Variants in NME7 observed in about 807,000 individuals in gnomAD.
The protein encoded by NME7 is nucleoside diphosphate kinase 7.
In NME7, 41 loss-of-function variants were observed where a neutral mutation model predicts 49.1. The observed-to-expected ratio is 0.83, with a 90% CI of 0.65 to 1.08. The LOEUF (loss-of-function observed/expected upper bound fraction) is 1.08, where lower values mean the gene tolerates loss of function less well. Ranked by LOEUF, NME7 falls within the 50% of genes least tolerant of loss-of-function variation. The pLI is 0.00. For synonymous variants in NME7, 139 were observed against 150.6 expected, an observed-to-expected ratio of 0.92 and a Z score of 0.56; for missense variants, 423 against 463.4, an observed-to-expected ratio of 0.91 and a Z score of 0.80.
chr1:169,251,061 T>A (rs889248439), intron 7 of NME7, among the ~76,000 whole-genome samples: 1 of 152,130 alleles, frequency 6.6e-6, no homozygotes, highest in Non-Finnish European at 1.5e-5. Context: ...TGTCTAGTGT[T>A]GTCGGTGGAC....
Position 169,346,565 on chromosome 1 carries a change from A to G in NME7, c.3+21143T>C, listed in dbSNP as rs566808564. Among the ~76,000 whole-genome samples the G allele has an allele frequency of 4.6e-5, 7 of 152,286 alleles. No homozygotes were observed. In the South Asian group the frequency reaches 1.5e-3, roughly 32 times the overall value. On this transcript the variant is annotated intron_variant, in intron 1 of 11. Transcript: ENST00000367811. ...CCTTTAAATTACATTCAACACCACT[A>G]TCAGTACCCCCAACATTCATTACCC...
At chr1:169,232,570 G>A (rs1647677478) in intron 9 of NME7, among the ~76,000 whole-genome samples, 1 of 151,542 alleles carries the variant, frequency 6.6e-6, no homozygotes, top group South Asian at 2.1e-4. Context: ...GGGGGGGCAG[G>A]GGAAAGAACA....
Position 169,303,816 on chromosome 1 carries a change from G to A in NME7, c.390-621C>T, listed in dbSNP as rs148837786. Among the ~76,000 whole-genome samples, 69 of 152,230 alleles carry A rather than the reference G, an allele frequency of 4.5e-4. 1 individual carries two copies. In the East Asian group the frequency reaches 0.011, roughly 25 times the overall value. Reference sequence around the variant, plus strand: ...ACAAAGGTTAATATTTGACCAGTGAGAATATTTGTTCTTTAAAGTCTAAAT... The same window carrying A: ...ACAAAGGTTAATATTTGACCAGTGAAAATATTTGTTCTTTAAAGTCTAAAT... On this transcript the variant is annotated intron_variant, in intron 4 of 11. Transcript: ENST00000367811.
chr1:169,215,047 C>T (rs1030650118), intron 10 of NME7, among the ~76,000 whole-genome samples: 1 of 152,212 alleles, frequency 6.6e-6, no homozygotes, highest in Non-Finnish European at 1.5e-5. Flanking sequence ...AGAATGAAGT[C>T]ACACAAATGA....
At chr1:169,143,276 T>C (rs1474647734) in intron 11 of NME7, among the ~76,000 whole-genome samples, 2 of 150,246 alleles carry the variant, frequency 1.3e-5, no homozygotes, top group African/African-American at 4.9e-5. Context: ...CCTCAGGCTT[T>C]TTTTTTTTTT....
chr1:169,132,726 G>T lies in NME7; in HGVS notation c.*59C>A. 1 of 1,480,050 alleles carries T rather than the reference G, an allele frequency of 6.8e-7. No homozygotes were observed. Among genetic ancestry groups the T allele is most frequent in the Middle Eastern group, 1.7e-4 (1 of 5,810 alleles). 91.7% of individuals were successfully genotyped at this position (1,480,050 alleles called of 1,614,324 possible). A position where few individuals can be genotyped will look rare whatever the true frequency, so the allele number is the denominator to read the frequency against. ...CAATAAAAGAATGAACACATTCCTCGTGTGTGATTCACTCTTGTCTAAATG... is the reference window on the plus strand; with the variant it reads ...CAATAAAAGAATGAACACATTCCTCTTGTGTGATTCACTCTTGTCTAAATG... On this transcript the variant is annotated 3_prime_UTR_variant, in exon 12 of 12. Transcript: ENST00000367811.
At chr1:169,150,875 G>C (rs1019675212) in intron 11 of NME7, among the ~76,000 whole-genome samples, 8 of 152,032 alleles carry the variant, frequency 5.3e-5, no homozygotes, top group South Asian at 2.1e-4. Flanking sequence ...AACATAAAAG[G>C]CTACACTAAA....
chr1:169,146,462 A>C (rs1349281119), intron 11 of NME7, among the ~76,000 whole-genome samples: 4 of 152,224 alleles, frequency 2.6e-5, no homozygotes, highest in African/African-American at 9.7e-5. Context: ...ATAATTTAGC[A>C]ATAAAATCAG....
At chr1:169,183,817 A>T (rs940410340) in intron 10 of NME7, among the ~76,000 whole-genome samples, 2 of 152,278 alleles carry the variant, frequency 1.3e-5, no homozygotes, top group Admixed American at 1.3e-4. Context: ...AAAAGAAAAA[A>T]AAAAGAAAAG....
chr1:169,178,982 G>A (rs1302858876), intron 10 of NME7, among the ~76,000 whole-genome samples: 1 of 151,868 alleles, frequency 6.6e-6, no homozygotes, highest in Non-Finnish European at 1.5e-5. Flanking sequence ...CACCACACCC[G>A]GCTAATTTTT....
intron 10 of NME7, among the ~76,000 whole-genome samples, chr1:169,194,005 G>A (rs4140540): frequency 0.36 from 54,057 of 151,752 alleles, 10,412 homozygotes; most frequent in East Asian, 0.73. Context: ...GAACTGAAAG[G>A]CACTTTTTAT....
Position 169,323,251 on chromosome 1 carries a change from C to A in NME7, c.144G>T (p.Lys48Asn). The A allele has an allele frequency of 6.2e-7, 1 of 1,600,904 alleles. No individual in the cohort carries two copies. Among genetic ancestry groups the A allele is most frequent in the South Asian group, 1.1e-5 (1 of 87,888 alleles). Residue 48 changes from lysine (K) to asparagine (N), a missense_variant, in exon 3 of 12, where the codon AAG becomes AAT. Physicochemically the swap from Lys to Asn is moderately conservative, Grantham distance 94. Coordinates refer to ENST00000367811, the MANE Select transcript of NME7 (RefSeq NM_013330.5). ...AGTGCAGGTTATCATATTTGGTCCG[C>A]TTTAAAAAGGTGCGATGATTCTTTA... Reference protein sequence around the residue: ...HDVKNHRTFLKRTKYDNLHLE... With the variant: ...HDVKNHRTFLNRTKYDNLHLE...
At chr1:169,294,404 G>T (rs183361989) in intron 6 of NME7, among the ~76,000 whole-genome samples, 43 of 152,262 alleles carry the variant, frequency 2.8e-4, no homozygotes, top group Admixed American at 7.9e-4. Flanking sequence ...TCACAAATGA[G>T]TAGTCAAAGA....
At chr1:169,344,548 T>C (rs1309604711) in intron 1 of NME7, among the ~76,000 whole-genome samples, 1 of 152,180 alleles carries the variant, frequency 6.6e-6, no homozygotes, top group African/African-American at 2.4e-5. Flanking sequence ...AAAGTTCACT[T>C]CTACTTCTAA....
intron 11 of NME7, among the ~76,000 whole-genome samples, chr1:169,153,119 A>T (rs1243407875): frequency 1.3e-5 from 2 of 152,120 alleles, no homozygotes; most frequent in Non-Finnish European, 2.9e-5. Flanking sequence ...TCTGCCACTC[A>T]TTGGTGGGGT....
intron 6 of NME7, among the ~76,000 whole-genome samples, chr1:169,290,106 G>A (rs1171345427): frequency 6.6e-6 from 1 of 151,946 alleles, no homozygotes; most frequent in Admixed American, 6.6e-5. Context: ...AAATTATAAA[G>A]TATATAGTTG....
chr1:169,184,261 C>A (rs185702415), intron 10 of NME7, among the ~76,000 whole-genome samples: 1 of 152,118 alleles, frequency 6.6e-6, no homozygotes, highest in Admixed American at 6.5e-5. Flanking sequence ...TTCTCTTGTA[C>A]TATTGAAATG....
At chr1:169,334,103 TAAAC>T (rs1652368973) in intron 1 of NME7, among the ~76,000 whole-genome samples, 2 of 152,186 alleles carry the variant, frequency 1.3e-5, no homozygotes, top group Admixed American at 6.5e-5. Flanking sequence ...AGAAATATCT[TAAAC>T]TAACTAGAAG....
chr1:169,275,465 C>T (rs60354661), intron 7 of NME7, among the ~76,000 whole-genome samples: 1,621 of 81,450 alleles, frequency 0.02, 117 homozygotes, highest in African/African-American at 0.063. Flanking sequence ...GGCGACAGAG[C>T]GAAACTCCGT....
Sources: allele counts gnomAD v4.1 joint callset (sites outside exome capture counted in the v4.1 genomes callset), GRCh38; gene constraint gnomAD v4.1.1; transcripts MANE v1.5; gene names NCBI Gene and HGNC (gene_info 2026-07-23, HGNC 2026-07-21).